The following KCNQ1 variants were observed in gnomAD, a reference collection of about 807,000 sequenced individuals.
The protein encoded by KCNQ1 is potassium voltage-gated channel subfamily Q member 1.
KCNQ1 carries 49 observed loss-of-function variants against 72.4 expected under a neutral mutation model. That is an observed-to-expected ratio of 0.68 (90% CI 0.54 to 0.86). The LOEUF (loss-of-function observed/expected upper bound fraction) is 0.86. KCNQ1 is among the 40% of genes least tolerant of loss of function. KCNQ1 has a pLI of 0.00. For synonymous variants in KCNQ1, 450 were observed against 412.6 expected, an observed-to-expected ratio of 1.09 and a Z score of -1.10; for missense variants, 790 against 945.1, an observed-to-expected ratio of 0.84 and a Z score of 2.15.
intron 11 of KCNQ1, among the ~76,000 whole-genome samples, chr11:2,755,963 G>A (rs1461994591): frequency 1.3e-5 from 2 of 152,210 alleles, no homozygotes; most frequent in Non-Finnish European, 2.9e-5. Flanking sequence ...CAGTGAGTAC[G>A]TGAAGGCACC....
At chr11:2,797,346 G>A (rs555858191) in intron 15 of KCNQ1, among the ~76,000 whole-genome samples, 173 of 152,316 alleles carry the variant, frequency 1.1e-3, no homozygotes, top group African/African-American at 4.0e-3. Flanking sequence ...CATGCTGTGC[G>A]TCCCCCACTG....
At chr11:2,681,226 A>AAG in intron 11 of KCNQ1, 1 of 398,624 alleles carries the variant, frequency 2.5e-6, no homozygotes, top group Non-Finnish European at 4.4e-6. Flanking sequence ...GAGTGGGTAG[A>AAG]AGGAAGCAGG....
intron 15 of KCNQ1, among the ~76,000 whole-genome samples, chr11:2,823,134 G>A (rs1162942990): frequency 6.6e-6 from 1 of 152,040 alleles, no homozygotes; most frequent in East Asian, 1.9e-4. Flanking sequence ...GAAAAGAGCA[G>A]CCACTGTGTC....
intron 2 of KCNQ1, among the ~76,000 whole-genome samples, chr11:2,531,516 C>T (rs1399735543): frequency 6.6e-6 from 1 of 152,116 alleles, no homozygotes; most frequent in African/African-American, 2.4e-5. Context: ...GTCCTCATCC[C>T]AGCAGCCCTG....
chr11:2,756,465 T>A (rs1846300498), intron 11 of KCNQ1, among the ~76,000 whole-genome samples: 1 of 149,682 alleles, frequency 6.7e-6, no homozygotes. Flanking sequence ...AAAACATGAC[T>A]TTTGGGACAC....
At chr11:2,839,476 G>A (rs1398212011) in intron 15 of KCNQ1, among the ~76,000 whole-genome samples, 3 of 152,258 alleles carry the variant, frequency 2.0e-5, no homozygotes, top group South Asian at 2.1e-4. Flanking sequence ...AGGTGGCTGC[G>A]TGTCCAGGAG....
chr11:2,728,643 C>G (rs1271365417), intron 11 of KCNQ1, among the ~76,000 whole-genome samples: 1 of 152,226 alleles, frequency 6.6e-6, no homozygotes, highest in Non-Finnish European at 1.5e-5. Context: ...AGAAGCTGGC[C>G]TACAGGACGG....
At chr11:2,656,431 G>C (rs1462236469) in intron 10 of KCNQ1, 1 of 398,502 alleles carries the variant, frequency 2.5e-6, no homozygotes, top group Non-Finnish European at 4.4e-6. Flanking sequence ...CCTTCTCCTG[G>C]CTGTGACTAA....
At position 2,509,585 on chromosome 11, in the gene KCNQ1, G is replaced by A. The variant is rs1004623131; in HGVS notation, c.387-18343G>A. Among the ~76,000 whole-genome samples, 1 of 152,238 alleles carries A rather than the reference G, an allele frequency of 6.6e-6. No homozygotes were observed. Among genetic ancestry groups the A allele is most frequent in the African/African-American group, 2.4e-5 (1 of 41,462 alleles). ...GGAAGTGGCAGCTCCAGGTCCGGGT[G>A]TGAGGGCAGTAGTGCAGGTCGTGGT... On this transcript the variant is annotated intron_variant, in intron 1 of 15. Coordinates refer to ENST00000155840, the MANE Select transcript of KCNQ1 (RefSeq NM_000218.3). This position sits in a 1 kb window ranked among gnomAD's most constrained non-coding sequence, Gnocchi z 6.3.
rs747823720 is a variant in KCNQ1, at chr11:2,617,531, C to T, written c.1393+28677C>T. 1.0e-5 allele frequency: 4 copies of T among 398,374 alleles called. No individual in the cohort carries two copies. Among genetic ancestry groups the T allele is most frequent in the Non-Finnish European group, 1.8e-5 (4 of 225,948 alleles). The allele number at this position is 398,374 out of a possible 1,614,324, so 24.7% of individuals were successfully genotyped here. On this transcript the variant is annotated intron_variant, in intron 10 of 15. Coordinates refer to ENST00000155840, the MANE Select transcript of KCNQ1 (RefSeq NM_000218.3). The surrounding 1 kb of genome is among the most constrained non-coding windows in gnomAD (Gnocchi z 4.6). ...TAATGCCACAATGAATATAGGAGCGCAGATATCTTTATGAGGTGGAGATTT... is the reference window on the plus strand; with the variant it reads ...TAATGCCACAATGAATATAGGAGCGTAGATATCTTTATGAGGTGGAGATTT...
Position 2,570,719 on chromosome 11 carries a change from G to A in KCNQ1, c.569G>A (p.Arg190Gln), listed in dbSNP as rs120074178. Residue 190 changes from arginine to glutamine, a missense_variant, in exon 3 of 16, where the codon CGG becomes CAG. This residue lies in a region of KCNQ1 where 294 missense variants were observed against 323.3 expected (regional missense o/e 0.91). Transcript: ENST00000155840. ...CRSKYVGLWG[R>Q]LRFARKPISI... Reference sequence around the variant, plus strand: ...AGCAAGTACGTGGGCCTCTGGGGGCGGCTGCGCTTTGCCCGGAAGCCCATT... The same window carrying A: ...AGCAAGTACGTGGGCCTCTGGGGGCAGCTGCGCTTTGCCCGGAAGCCCATT... The A allele has an allele frequency of 1.2e-5, 19 of 1,612,150 alleles. No individual in the cohort carries two copies. The highest frequency in any genetic ancestry group is 2.7e-5 in the African/African-American group (2 of 74,928).
intron 1 of KCNQ1, among the ~76,000 whole-genome samples, chr11:2,527,328 TG>T (rs1009807516): frequency 1.3e-5 from 2 of 152,284 alleles, no homozygotes; most frequent in African/African-American, 4.8e-5. Context: ...CTGGCTTCTG[TG>T]CTGTGACCAC....
chr11:2,650,473 G>T (rs1048144081), intron 10 of KCNQ1: 3 of 398,518 alleles, frequency 7.5e-6, no homozygotes, highest in Non-Finnish European at 1.3e-5. Context: ...TTTGGTTCTG[G>T]TTCAGTGCAG....
At position 2,690,274 on chromosome 11, in the gene KCNQ1, CAT is replaced by C. The variant is rs1346199901; in HGVS notation, c.1514+28196_1514+28197del. On this transcript the variant is annotated intron_variant, in intron 11 of 15. Coordinates refer to ENST00000155840, the MANE Select transcript of KCNQ1 (RefSeq NM_000218.3). The surrounding 1 kb of genome is among the most constrained non-coding windows in gnomAD (Gnocchi z 5.1). ...TGAGCTGCTCCTTGCTGCATCTGCA[CAT>C]ATGTGTAGTGTCTTCCTCCCTGTAG... The C allele has an allele frequency of 1.0e-5, 4 of 398,648 alleles. No individual in the cohort carries two copies. The highest frequency in any genetic ancestry group is 1.8e-5 in the Non-Finnish European group (4 of 226,152). 24.7% of individuals were successfully genotyped at this position (398,648 alleles called of 1,614,324 possible).
intron 6 of KCNQ1, among the ~76,000 whole-genome samples, chr11:2,581,531 C>T (rs1589964018): frequency 6.6e-6 from 1 of 152,212 alleles, no homozygotes; most frequent in East Asian, 1.9e-4. Context: ...CCACTGTCAG[C>T]CTCACCCATG....
In KCNQ1 at chr11:2,733,857, C is replaced by CTCTCACTCTTTCTCTCT. The variant is rs147278439; in HGVS notation, c.1515-34987_1515-34986insTCTCACTCTTTCTCTCT. Among the ~76,000 whole-genome samples, 98 of 76,340 alleles carry CTCTCACTCTTTCTCTCT rather than the reference C, an allele frequency of 1.3e-3. 4 individuals carry two copies. The highest frequency in any genetic ancestry group is 2.4e-3 in the South Asian group (6 of 2,502). The allele number at this position is 76,340 out of a possible 152,430, so 50.1% of individuals were successfully genotyped here. A position where few individuals can be genotyped will look rare whatever the true frequency, so the allele number is the denominator to read the frequency against. On this transcript the variant is annotated intron_variant, in intron 11 of 15. Transcript: ENST00000155840. ...TCTCTCTCTCTCTCTCTCTCTCTCT[C>CTCTCACTCTTTCTCTCT]CCCCCCCACTTCAGGGCCTTCGCGC...
In KCNQ1 at chr11:2,659,346, T is replaced by C. The variant is rs1849909772; in HGVS notation, c.1394-2615T>C. The stretch of plus-strand genomic sequence containing the variant: ...TTTCTAGAATGTCCTATAAATGGGA[T>C]CCTATAATATGTATTCTTTTGCATC... On this transcript the variant is annotated intron_variant, in intron 10 of 15. Coordinates refer to ENST00000155840, the MANE Select transcript of KCNQ1 (RefSeq NM_000218.3). This position sits in a 1 kb window ranked among gnomAD's most constrained non-coding sequence, Gnocchi z 4.3. 1 of 398,650 alleles carries C rather than the reference T, an allele frequency of 2.5e-6. No homozygotes were observed. The highest frequency in any genetic ancestry group is 4.4e-6 in the Non-Finnish European group (1 of 226,054). 24.7% of individuals were successfully genotyped at this position (398,650 alleles called of 1,614,324 possible).
intron 11 of KCNQ1, chr11:2,689,841 T>C (rs557606317): frequency 5.8e-5 from 23 of 398,676 alleles, no homozygotes; most frequent in Non-Finnish European, 9.3e-5. Flanking sequence ...TGCCTGGTTG[T>C]GGCCTGCCAC....
At chr11:2,791,747 T>A (rs958308703) in intron 15 of KCNQ1, among the ~76,000 whole-genome samples, 20 of 151,660 alleles carry the variant, frequency 1.3e-4, no homozygotes, top group Non-Finnish European at 2.9e-4. Flanking sequence ...TGGCCCCAGG[T>A]CAGAGGTGGC....
Sources: gnomAD v4.1 joint callset for allele counts (sites outside exome capture counted in the v4.1 genomes callset) on GRCh38, gnomAD v4.1.1 for gene constraint, gnomAD v4.1.1 regional missense constraint, Gnocchi (gnomAD v3.1) non-coding constraint, MANE v1.5 for transcripts, NCBI Gene and HGNC (gene_info 2026-07-23, HGNC 2026-07-21) for gene names.